The following NPTXR variants were observed in gnomAD, a reference collection of about 807,000 sequenced individuals.
NPTXR encodes neuronal pentraxin receptor.
In NPTXR, 12 loss-of-function variants were observed where a neutral mutation model predicts 32.2. That is an observed-to-expected ratio of 0.37 (90% confidence interval 0.24 to 0.60). The LOEUF is 0.60. Among genes scored for constraint, NPTXR ranks in the 20% least tolerant of loss-of-function variants. The probability of loss-of-function intolerance (pLI) is 0.66; values close to 1 mark genes in which losing one functional copy is unlikely to be tolerated. For synonymous variants in NPTXR, 323 were observed against 315.8 expected (o/e 1.02, Z -0.24); for missense variants, 612 against 682.9 (o/e 0.90, Z 1.16).
At chr22:38,824,473 G>A (rs1023733630) in intron 3 of NPTXR, among the ~76,000 whole-genome samples, 47 of 152,124 alleles carry the variant, frequency 3.1e-4, no homozygotes, top group African/African-American at 1.1e-3. Flanking sequence ...CAGAGGCTGC[G>A]AGGCCCAGAG....
chr22:38,822,957 A>T (rs1300492782), intron 4 of NPTXR, 124 bp from the exon 5 acceptor site: 9 of 1,437,514 alleles, frequency 6.3e-6, no homozygotes, highest in Non-Finnish European at 8.7e-6. Context: ...CTGAAGCCCC[A>T]CCGCCAACGC....
At position 38,822,488 on chromosome 22, in the gene NPTXR, G is replaced by C; in HGVS notation, c.*121C>G. Reference sequence around the variant, plus strand: ...TGGGTACAGGTGAGGGGAAATGGGAGGCACAGCCAGGAGTGGGGCAGGAGG... The same window carrying C: ...TGGGTACAGGTGAGGGGAAATGGGACGCACAGCCAGGAGTGGGGCAGGAGG... On this transcript the variant is annotated 3_prime_UTR_variant, in exon 5 of 5. Transcript: ENST00000333039. The C allele has an allele frequency of 3.7e-6, 3 of 819,860 alleles. No individual in the cohort carries two copies. Among genetic ancestry groups the C allele is most frequent in the Non-Finnish European group, 5.9e-6 (3 of 504,506 alleles). The allele number at this position is 819,860 out of a possible 1,614,324, so 50.8% of individuals were successfully genotyped here.
intron 1 of NPTXR, among the ~76,000 whole-genome samples, chr22:38,838,852 A>G (rs1444412546): frequency 3.9e-5 from 6 of 152,048 alleles, no homozygotes; most frequent in Non-Finnish European, 8.8e-5. Context: ...AAGTGCTGGG[A>G]TTACAGGTGT....
At chr22:38,838,498 A>AC (rs1478248322) in intron 1 of NPTXR, among the ~76,000 whole-genome samples, 2 of 144,900 alleles carry the variant, frequency 1.4e-5, no homozygotes, top group African/African-American at 2.6e-5. Flanking sequence ...ACTGGCCTTC[A>AC]CCCCTCTCAC....
At chr22:38,842,735 T>C (rs2093133379) in intron 1 of NPTXR, among the ~76,000 whole-genome samples, 1 of 152,126 alleles carries the variant, frequency 6.6e-6, no homozygotes, top group African/African-American at 2.4e-5. Flanking sequence ...GTTTGTCTTA[T>C]AGGGCACTCT....
At chr22:38,825,720 C>T (rs909811681) in intron 3 of NPTXR, among the ~76,000 whole-genome samples, 1 of 152,112 alleles carries the variant, frequency 6.6e-6, no homozygotes, top group African/African-American at 2.4e-5. Context: ...TTTCTACTCT[C>T]CATAGCGGGG....
At chr22:38,838,726 T>C (rs904519611) in intron 1 of NPTXR, among the ~76,000 whole-genome samples, 4 of 151,928 alleles carry the variant, frequency 2.6e-5, no homozygotes, top group South Asian at 2.1e-4. Context: ...GGACTACAGG[T>C]GCCCGCCACC....
At chr22:38,837,845 T>TTTTTTTTTTATTTTA (rs1555883125) in intron 1 of NPTXR, among the ~76,000 whole-genome samples, 39 of 139,998 alleles carry the variant, frequency 2.8e-4, no homozygotes, top group African/African-American at 1.0e-3. Flanking sequence ...TTATTTTTAT[T>TTTTTTTTTTATTTTA]TTTTATTTTA....
At position 38,843,597 on chromosome 22, in the gene NPTXR, C is replaced by G. The variant is rs1013698460; in HGVS notation, c.262G>C (p.Gly88Arg). ...CACAGGAAGCGGCTGAACAGGGGCC[C>G]GGGCGGCAGCGGGTGCGCGCTGGCC... The change falls in exon 1 of 5, where the codon GGG becomes CGG. Residue 88 changes from glycine to arginine, a missense_variant. By Grantham distance (125) the Gly-to-Arg change is moderately radical. Coordinates refer to ENST00000333039, the MANE Select transcript of NPTXR (RefSeq NM_014293.4). This position sits in a 1 kb window ranked among gnomAD's most constrained non-coding sequence, Gnocchi z 5.3. 32 of 1,184,790 alleles carry G rather than the reference C, an allele frequency of 2.7e-5. No individual in the cohort carries two copies. Among genetic ancestry groups the G allele is most frequent in the Non-Finnish European group, 3.2e-5 (31 of 958,554 alleles). 73.4% of individuals were successfully genotyped at this position (1,184,790 alleles called of 1,614,324 possible). A position where few individuals can be genotyped will look rare whatever the true frequency, so the allele number is the denominator to read the frequency against.
chr22:38,840,484 T>C (rs1603246848), intron 1 of NPTXR, among the ~76,000 whole-genome samples: 1 of 151,754 alleles, frequency 6.6e-6, no homozygotes, highest in East Asian at 1.9e-4. Context: ...AGGGTGTGCC[T>C]GGAGTCATGA....
rs1216282448 is a variant in NPTXR, at chr22:38,819,128, G to C, written c.*3481C>G. On this transcript the variant is annotated 3_prime_UTR_variant, in exon 5 of 5. Coordinates refer to ENST00000333039, the MANE Select transcript of NPTXR (RefSeq NM_014293.4). The stretch of plus-strand genomic sequence containing the variant: ...TGGGATGTTGGTGGGGGCACCACAT[G>C]CCACAAGATGGGAAGATCTGGCAGA... 1 of 152,292 alleles carries C rather than the reference G, an allele frequency of 6.6e-6. No individual in the cohort carries two copies. Among genetic ancestry groups the C allele is most frequent in the African/African-American group, 2.4e-5 (1 of 41,466 alleles). 9.4% of individuals were successfully genotyped at this position (152,292 alleles called of 1,614,324 possible).
intron 1 of NPTXR, among the ~76,000 whole-genome samples, chr22:38,835,044 C>T (rs1042642557): frequency 1.3e-5 from 2 of 152,212 alleles, no homozygotes; most frequent in African/African-American, 2.4e-5. Flanking sequence ...ATCTGTAAAA[C>T]AGAGATAGTA....
chr22:38,823,529 G>A (rs1010067386), intron 3 of NPTXR, among the ~76,000 whole-genome samples: 8 of 152,212 alleles, frequency 5.3e-5, no homozygotes, highest in Non-Finnish European at 1.2e-4. Context: ...GGCCTATTAA[G>A]GTCACTTGGG....
chr22:38,827,501 C>T (rs535946754), intron 2 of NPTXR, among the ~76,000 whole-genome samples: 98 of 152,198 alleles, frequency 6.4e-4, no homozygotes, highest in African/African-American at 2.2e-3. Flanking sequence ...CCCAAAGTGT[C>T]GGGATAACAG....
At chr22:38,824,387 T>C (rs766412895) in intron 3 of NPTXR, among the ~76,000 whole-genome samples, 2 of 152,026 alleles carry the variant, frequency 1.3e-5, no homozygotes, top group Non-Finnish European at 2.9e-5. Context: ...ACGCCTTAAA[T>C]GAGCTGAGTC....
Position 38,834,593 on chromosome 22 carries a change from C to T in NPTXR, c.625-6081G>A, listed in dbSNP as rs959025545. On this transcript the variant is annotated intron_variant, in intron 1 of 4. Coordinates refer to ENST00000333039, the MANE Select transcript of NPTXR (RefSeq NM_014293.4). The surrounding 1 kb of genome is among the most constrained non-coding windows in gnomAD (Gnocchi z 4.4). Reference sequence around the variant, plus strand: ...GCAGAGCACTCATCCATCCATCCATCCATCCATCATCCATCCATCCATCCA... The same window carrying T: ...GCAGAGCACTCATCCATCCATCCATTCATCCATCATCCATCCATCCATCCA... 7.8e-6 allele frequency among the ~76,000 whole-genome samples: 1 copy of T among 128,306 alleles called. No individual in the cohort carries two copies. Among genetic ancestry groups the T allele is most frequent in the Non-Finnish European group, 1.7e-5 (1 of 59,956 alleles). 84.2% of individuals were successfully genotyped at this position (128,306 alleles called of 152,430 possible). A position where few individuals can be genotyped will look rare whatever the true frequency, so the allele number is the denominator to read the frequency against.
At chr22:38,824,751 C>T (rs1029450664) in intron 3 of NPTXR, among the ~76,000 whole-genome samples, 2 of 152,254 alleles carry the variant, frequency 1.3e-5, no homozygotes, top group East Asian at 1.9e-4. Flanking sequence ...AGGCCAAGGA[C>T]GGCAGCCAGG....
At chr22:38,840,507 G>A (rs1422468386) in intron 1 of NPTXR, among the ~76,000 whole-genome samples, 1 of 152,058 alleles carries the variant, frequency 6.6e-6, no homozygotes, top group East Asian at 1.9e-4. Context: ...CCAGAGAGGA[G>A]GCTGCTGCAA....
intron 1 of NPTXR, among the ~76,000 whole-genome samples, chr22:38,832,390 G>A (rs974727115): frequency 3.3e-5 from 5 of 152,388 alleles, no homozygotes; most frequent in African/African-American, 1.2e-4. Context: ...GGGGCAGAAA[G>A]GTGGAGGCTG....
Sources: gnomAD v4.1 joint callset for allele counts (sites outside exome capture counted in the v4.1 genomes callset) on GRCh38, gnomAD v4.1.1 for gene constraint, Gnocchi (gnomAD v3.1) non-coding constraint, MANE v1.5 for transcripts, NCBI Gene and HGNC (gene_info 2026-07-23, HGNC 2026-07-21) for gene names.